The following PPFIBP1 variants were observed in gnomAD, a reference collection of about 807,000 sequenced individuals.
PPFIBP1 encodes liprin-beta-1.
Under a neutral mutation model 137.8 loss-of-function variants are expected in PPFIBP1, and 112 were observed. That is an observed-to-expected ratio of 0.81 (90% CI 0.70 to 0.95). The LOEUF (loss-of-function observed/expected upper bound fraction) is 0.95. PPFIBP1 is among the 40% of genes least tolerant of loss of function. The pLI is 0.00. For missense variants in PPFIBP1, 1,083 were observed against 1,196.6 expected (o/e 0.91, Z 1.40); for synonymous variants, 378 against 417.3 (o/e 0.91, Z 1.15).
chr12:27,603,258 G>A (rs895159611), intron 2 of PPFIBP1, among the ~76,000 whole-genome samples: 4 of 152,142 alleles, frequency 2.6e-5, no homozygotes, highest in African/African-American at 9.7e-5. Context: ...TTTTAACCTG[G>A]CTTTGCTGCA....
At chr12:27,568,316 A>G (rs2049857583) in intron 1 of PPFIBP1, among the ~76,000 whole-genome samples, 1 of 152,248 alleles carries the variant, frequency 6.6e-6, no homozygotes, top group Admixed American at 6.5e-5. Context: ...AATCTCAAAA[A>G]GTACTGCTGT....
intron 2 of PPFIBP1, among the ~76,000 whole-genome samples, chr12:27,632,870 T>G (rs1371944144): frequency 6.6e-6 from 1 of 152,250 alleles, no homozygotes; most frequent in African/African-American, 2.4e-5. Context: ...TGTGTTTGTG[T>G]GTGTGTGCAC....
chr12:27,616,310 A>ATT (rs11370764), intron 2 of PPFIBP1, among the ~76,000 whole-genome samples: 7,518 of 143,540 alleles, frequency 0.052, 241 homozygotes, highest in Middle Eastern at 0.12. Context: ...TTGTTTGCAG[A>ATT]TTTTTTTTTT....
In PPFIBP1 at chr12:27,679,965, C is replaced by A; in HGVS notation, c.1799C>A (p.Pro600Gln). The A allele has an allele frequency of 1.2e-6, 2 of 1,614,074 alleles. No homozygotes were observed. ...AGAAGTCAATCAACTACATTCAACC[C>A]AGATGACATGTCTGAGCCTGAATTC... ...LRRSQSTTFN[P>Q]DDMSEPEFKR... Residue 600 changes from proline (P) to glutamine (Q), a missense_variant, in exon 21 of 30, where the codon CCA becomes CAA. Transcript: ENST00000228425.
At chr12:27,671,781 A>G (rs1259438319) in intron 14 of PPFIBP1, among the ~76,000 whole-genome samples, 1 of 152,188 alleles carries the variant, frequency 6.6e-6, no homozygotes, top group South Asian at 2.1e-4. Flanking sequence ...AAGAGATTTT[A>G]AGGAACTTGG....
chr12:27,646,440 T>C, intron 5 of PPFIBP1: 1 of 405,638 alleles, frequency 2.5e-6, no homozygotes, highest in Non-Finnish European at 4.7e-6. Context: ...GGCGGGGTCT[T>C]GTTACATTGC....
intron 13 of PPFIBP1, among the ~76,000 whole-genome samples, chr12:27,670,505 C>G (rs2060111847): frequency 6.6e-6 from 1 of 152,136 alleles, no homozygotes; most frequent in Non-Finnish European, 1.5e-5. Context: ...TTTCGCTGGG[C>G]ACAGTGGCTC....
intron 9 of PPFIBP1, among the ~76,000 whole-genome samples, chr12:27,657,353 G>A (rs1392344597): frequency 6.6e-6 from 1 of 151,798 alleles, no homozygotes; most frequent in Non-Finnish European, 1.5e-5. Flanking sequence ...TAGCCCGAAT[G>A]AAATACATTT....
chr12:27,558,832 T>G (rs2048924343), intron 1 of PPFIBP1, among the ~76,000 whole-genome samples: 1 of 152,180 alleles, frequency 6.6e-6, no homozygotes, highest in Non-Finnish European at 1.5e-5. Flanking sequence ...TTTCTGGATA[T>G]AAATCATAGC....
In PPFIBP1 at chr12:27,676,517, C is replaced by T. The variant is rs765856608; in HGVS notation, c.1500C>T (p.Gly500=). 1.2e-6 allele frequency: 2 copies of T among 1,610,234 alleles called. No homozygotes were observed. The highest frequency in any genetic ancestry group is 2.2e-5 in the South Asian group (2 of 90,650). Residue 500 remains glycine (G), a synonymous_variant, in exon 18 of 30, where the codon GGC becomes GGT. Transcript: ENST00000228425. ...CCTCCATGGATGACAACCCCTTCGG[C>T]ACTCGAAAAGTCAGATCTTCCTTTG... ...QDTSMDDNPF[G]TRKVRSSFGR... is the part of the protein sequence containing the mutation.
At position 27,692,862 on chromosome 12, in the gene PPFIBP1, G is replaced by A. The variant is rs779606065; in HGVS notation, c.2998G>A (p.Asp1000Asn). 1.2e-6 allele frequency: 2 copies of A among 1,614,130 alleles called. No homozygotes were observed. Among genetic ancestry groups the A allele is most frequent in the Admixed American group, 3.3e-5 (2 of 60,022 alleles). Reference protein sequence around the residue: ...AARSPSASITDEDSNV With the variant: ...AARSPSASITNEDSNV ...CCGTTCCCCCAGTGCCAGCATTACA[G>A]ATGAAGACTCAAACGTTTGACCGTA... The change falls in exon 30 of 30, where the codon GAT becomes AAT. Residue 1000 changes from aspartate (D) to asparagine (N), a missense_variant. Coordinates refer to ENST00000228425, the MANE Select transcript of PPFIBP1 (RefSeq NM_003622.4).
chr12:27,563,278 A>T (rs141949607), intron 1 of PPFIBP1, among the ~76,000 whole-genome samples: 1 of 41,386 alleles, frequency 2.4e-5, no homozygotes, highest in East Asian at 8.6e-4. Flanking sequence ...CATCTCTACT[A>T]AAAAAAAAAA....
At chr12:27,617,181 T>C (rs961756712) in intron 2 of PPFIBP1, among the ~76,000 whole-genome samples, 1 of 152,184 alleles carries the variant, frequency 6.6e-6, no homozygotes, top group African/African-American at 2.4e-5. Flanking sequence ...ACCAAAAATT[T>C]GAAAAGTATG....
chr12:27,553,954 G>A (rs1390216232), intron 1 of PPFIBP1, among the ~76,000 whole-genome samples: 1 of 152,126 alleles, frequency 6.6e-6, no homozygotes, highest in Admixed American at 6.5e-5. Flanking sequence ...TAAGTGCCTT[G>A]GGTAAACCTG....
At chr12:27,661,826 A>G (rs1051920874) in intron 11 of PPFIBP1, among the ~76,000 whole-genome samples, 4 of 152,068 alleles carry the variant, frequency 2.6e-5, no homozygotes, top group African/African-American at 7.2e-5. Context: ...TTTGCCTCGC[A>G]TTCTCTTTAT....
rs190090892 is a variant in PPFIBP1 at position 27,587,805 on chromosome 12, A to G, written c.-36+9566A>G. Among the ~76,000 whole-genome samples, 53 of 151,974 alleles carry G rather than the reference A, an allele frequency of 3.5e-4. 1 individual carries two copies. In the East Asian group the frequency reaches 8.5e-3, roughly 24 times the overall value. On this transcript the variant is annotated intron_variant, in intron 2 of 29. Transcript: ENST00000228425. ...AAGTTGCAGATATCATGACACTTCT[A>G]CCCTTAAATATTTCAGCCTAAATTT...
chr12:27,670,975 A>T (rs1433917789), intron 13 of PPFIBP1, among the ~76,000 whole-genome samples: 2 of 151,914 alleles, frequency 1.3e-5, no homozygotes, highest in African/African-American at 2.4e-5. Context: ...GTGTGTCAGA[A>T]CCAACATTTC....
At chr12:27,649,914 T>C (rs2058772073) in intron 6 of PPFIBP1, 96 bp from the exon 7 acceptor site, 2 of 1,148,500 alleles carry the variant, frequency 1.7e-6, no homozygotes, top group South Asian at 1.7e-5. Context: ...TATCCTCTAC[T>C]TGATAGGTGC....
chr12:27,692,506 T>G (rs1427670096), intron 28 of PPFIBP1, 85 bp from the exon 29 acceptor site: 1 of 1,274,800 alleles, frequency 7.8e-7, no homozygotes, highest in Non-Finnish European at 1.1e-6. Flanking sequence ...TTTGCATTAT[T>G]TCTTCTTAGA....
Sources: gnomAD v4.1 joint callset for allele counts (sites outside exome capture counted in the v4.1 genomes callset) on GRCh38, gnomAD v4.1.1 for gene constraint, MANE v1.5 for transcripts, NCBI Gene and HGNC (gene_info 2026-07-23, HGNC 2026-07-21) for gene names.